The following MYO9A variants were observed in gnomAD, a reference collection of about 807,000 sequenced individuals.
The protein encoded by MYO9A is unconventional myosin-IXa.
Under a neutral mutation model 293.3 loss-of-function variants are expected in MYO9A, and 103 were observed. The ratio of observed to expected loss-of-function variants is 0.35; its 90% CI spans 0.30 to 0.41. MYO9A has a LOEUF of 0.41. Among genes scored for constraint, MYO9A ranks in the 10% least tolerant of loss-of-function variants. The pLI, the probability that MYO9A is intolerant of heterozygous loss-of-function variation, is 1.00. For missense variants in MYO9A, 2,685 were observed against 3,033.0 expected (o/e 0.89, Z 2.69); for synonymous variants, 1,001 against 1,035.7 (o/e 0.97, Z 0.64).
intron 9 of MYO9A, 43 bp from the exon 10 acceptor site, chr15:71,994,628 G>T: frequency 8.5e-7 from 1 of 1,178,746 alleles, no homozygotes; most frequent in Non-Finnish European, 1.2e-6. Context: ...AATTGACAAT[G>T]ATTAAGATAC....
chr15:72,079,950 A>C (rs1245495106), intron 1 of MYO9A, among the ~76,000 whole-genome samples: 1 of 152,230 alleles, frequency 6.6e-6, no homozygotes, highest in East Asian at 1.9e-4. Context: ...AAGCATTTTT[A>C]CCTGTAAGTA....
intron 26 of MYO9A, chr15:71,890,975 T>G (rs1366869252): frequency 6.6e-6 from 1 of 152,224 alleles, no homozygotes; most frequent in Non-Finnish European, 1.5e-5. Context: ...ACAATACATC[T>G]TCATCTTCAC....
At chr15:72,077,749 AAAAATATATAT>A (rs1427137607) in intron 1 of MYO9A, among the ~76,000 whole-genome samples, 2,550 of 33,030 alleles carry the variant, frequency 0.077, 58 homozygotes, top group African/African-American at 0.19. Flanking sequence ...AAAAAAAAAA[AAAAATATATAT>A]ATATATATAT....
At chr15:71,846,843 T>C (rs2055409682) in intron 39 of MYO9A, among the ~76,000 whole-genome samples, 1 of 152,164 alleles carries the variant, frequency 6.6e-6, no homozygotes, top group Non-Finnish European at 1.5e-5. Context: ...TAGCATACCA[T>C]AATATTTAAG....
chr15:71,829,544 A>C (rs141823300), intron 40 of MYO9A, among the ~76,000 whole-genome samples: 1 of 150,126 alleles, frequency 6.7e-6, no homozygotes, highest in African/African-American at 2.5e-5. Context: ...AATTGCAACC[A>C]ATTTCCCTAT....
chr15:72,069,161 A>G (rs2079107699), intron 1 of MYO9A, among the ~76,000 whole-genome samples: 1 of 152,212 alleles, frequency 6.6e-6, no homozygotes, highest in South Asian at 2.1e-4. Flanking sequence ...GCTCTTAGGT[A>G]GCAAAGACCA....
intron 39 of MYO9A, among the ~76,000 whole-genome samples, chr15:71,832,036 GGAGGCT>G (rs2054749404): frequency 6.6e-6 from 1 of 152,328 alleles, no homozygotes; most frequent in South Asian, 2.1e-4. Flanking sequence ...CAGCACTTCG[GGAGGCT>G]GAGGCAGGCA....
At chr15:72,101,477 C>G (rs1485284863) in intron 1 of MYO9A, among the ~76,000 whole-genome samples, 3 of 120,200 alleles carry the variant, frequency 2.5e-5, no homozygotes, top group Admixed American at 7.8e-5. Flanking sequence ...CGGGGTCAGC[C>G]CCCCGCCCGG....
intron 15 of MYO9A, among the ~76,000 whole-genome samples, chr15:71,939,321 C>T (rs2058713267): frequency 6.6e-6 from 1 of 152,160 alleles, no homozygotes; most frequent in African/African-American, 2.4e-5. Context: ...AAGCCCAGTA[C>T]TCAATAGCTA....
At chr15:71,929,342 G>C (rs2058415550) in intron 18 of MYO9A, among the ~76,000 whole-genome samples, 1 of 152,118 alleles carries the variant, frequency 6.6e-6, no homozygotes, top group Non-Finnish European at 1.5e-5. Flanking sequence ...AACAGAAGTG[G>C]TGACAGTGGG....
rs28445807 is a variant in MYO9A at position 71,939,007 on chromosome 15, C to T, written c.2303-80G>A. The T allele has an allele frequency of 1.3e-3, 1,399 of 1,104,584 alleles. 15 individuals carry two copies. The African/African-American group carries it at 0.019, about 15-fold the overall frequency. The allele number at this position is 1,104,584 out of a possible 1,614,324, so 68.4% of individuals were successfully genotyped here. A position where few individuals can be genotyped will look rare whatever the true frequency, so the allele number is the denominator to read the frequency against. ...GTGAAATAGTTTTTCTAAAGACAAA[C>T]GAAAATTTAATCACGAGTATTTGCT... On this transcript the variant is annotated intron_variant, in intron 15 of 41. Transcript: ENST00000356056.
intron 13 of MYO9A, chr15:71,960,348 A>C (rs1023491611): frequency 4.7e-6 from 2 of 429,906 alleles, no homozygotes; most frequent in African/African-American, 4.6e-5. Flanking sequence ...GTTATTTAAA[A>C]GTGTGGCACT....
intron 39 of MYO9A, among the ~76,000 whole-genome samples, chr15:71,835,376 G>A (rs1199368930): frequency 6.6e-6 from 1 of 152,210 alleles, no homozygotes; most frequent in African/African-American, 2.4e-5. Context: ...TGATATGACT[G>A]TACAGGTAGA....
rs1300883330 is a variant in MYO9A, at chr15:72,117,953, G to A, written c.-345C>T. ...CACGCGTTGGACCGCCGCCTCAACCGCTGCCAGCGGCCGCCTCTGCCGGTG... is the reference window on the plus strand; with the variant it reads ...CACGCGTTGGACCGCCGCCTCAACCACTGCCAGCGGCCGCCTCTGCCGGTG... On this transcript the variant is annotated 5_prime_UTR_variant, in exon 1 of 42. Transcript: ENST00000356056. The A allele has an allele frequency of 3.2e-5, 13 of 401,074 alleles. No homozygotes were observed. Among genetic ancestry groups the A allele is most frequent in the Middle Eastern group, 6.2e-4 (1 of 1,622 alleles). The allele number at this position is 401,074 out of a possible 1,614,324, so 24.8% of individuals were successfully genotyped here.
intron 9 of MYO9A, 99 bp downstream of exon 9, chr15:71,999,752 C>A: frequency 2.5e-6 from 2 of 798,442 alleles, no homozygotes; most frequent in South Asian, 2.1e-5. Context: ...AAACTTTTTG[C>A]CATTGTCATT....
At chr15:72,074,900 T>C (rs1005844340) in intron 1 of MYO9A, among the ~76,000 whole-genome samples, 11 of 151,080 alleles carry the variant, frequency 7.3e-5, no homozygotes, top group African/African-American at 2.4e-4. Flanking sequence ...GTCTGAGGAA[T>C]TAGCATGTCT....
rs966246059 is a variant in MYO9A, at chr15:71,856,291, A to G, written c.6154-1722T>C. Among the ~76,000 whole-genome samples the G allele has an allele frequency of 2.0e-5, 3 of 152,162 alleles. No homozygotes were observed. The East Asian group carries it at 5.8e-4, about 29-fold the overall frequency. ...ACGCCACTGTACTCCAGCTTGGGCA[A>G]CAAGGGCAAAACTCTGTCTCAAAAG... On this transcript the variant is annotated intron_variant, in intron 34 of 41. Transcript: ENST00000356056.
At chr15:71,907,032 C>T (rs1476086109) in intron 19 of MYO9A, among the ~76,000 whole-genome samples, 2 of 148,562 alleles carry the variant, frequency 1.3e-5, no homozygotes, top group South Asian at 2.2e-4. Flanking sequence ...CATGCTGGTG[C>T]GCTGCCCCCA....
chr15:71,897,053 G>A (rs767182478), intron 25 of MYO9A: 25 of 165,794 alleles, frequency 1.5e-4, no homozygotes, highest in African/African-American at 3.3e-4. Flanking sequence ...TATAATGAAC[G>A]TAATGATGAC....
Sources: allele counts gnomAD v4.1 joint callset (sites outside exome capture counted in the v4.1 genomes callset), GRCh38; gene constraint gnomAD v4.1.1; transcripts MANE v1.5; gene names NCBI Gene and HGNC (gene_info 2026-07-23, HGNC 2026-07-21).